Variants in RARA observed in about 807,000 individuals in gnomAD.
RARA encodes the protein PML-DDX5-RARA fusion.
In RARA, 5 loss-of-function variants were observed where a neutral mutation model predicts 42.8. The observed-to-expected ratio is 0.12, with a 90% CI of 0.06 to 0.25. The LOEUF (loss-of-function observed/expected upper bound fraction) is 0.25, where lower values mean the gene tolerates loss of function less well. Among genes scored for constraint, RARA ranks in the 10% least tolerant of loss-of-function variants. The pLI is 1.00. For missense variants in RARA, 402 were observed against 628.7 expected (o/e 0.64, Z 3.86); for synonymous variants, 256 against 259.5 (o/e 0.99, Z 0.13).
At chr17:40,342,140 C>T (rs1377721196) in intron 2 of RARA, 1 of 1,033,118 alleles carries the variant, frequency 9.7e-7, no homozygotes, top group East Asian at 5.6e-5. Context: ...AGGGGGCGCG[C>T]AGAGCTGGGG....
chr17:40,337,367 G>T (rs886612530), intron 2 of RARA, among the ~76,000 whole-genome samples: 3 of 152,210 alleles, frequency 2.0e-5, no homozygotes, highest in Non-Finnish European at 4.4e-5. Flanking sequence ...TCCCCGGTAG[G>T]GGGTGTAGGG....
rs951017275 is a variant in RARA at position 40,357,213 on chromosome 17, T to C, written c.*987T>C. 8.4e-6 allele frequency: 2 copies of C among 238,858 alleles called. No homozygotes were observed. Among genetic ancestry groups the C allele is most frequent in the African/African-American group, 4.4e-5 (2 of 45,296 alleles). The allele number at this position is 238,858 out of a possible 1,614,324, so 14.8% of individuals were successfully genotyped here. ...GAGCTGCCTCCCGTCAGGGCCCACA[T>C]CATCTAGGCTCCCCAGCCCCCACTG... On this transcript the variant is annotated 3_prime_UTR_variant, in exon 9 of 9. Coordinates refer to ENST00000254066, the MANE Select transcript of RARA (RefSeq NM_000964.4).
chr17:40,350,715 G>C (rs1347314893), intron 4 of RARA, among the ~76,000 whole-genome samples: 2 of 151,958 alleles, frequency 1.3e-5, no homozygotes, highest in Non-Finnish European at 2.9e-5. Flanking sequence ...GAGGGGGCAC[G>C]GGTGAGATGG....
At chr17:40,325,595 C>T (rs2033521248) in intron 1 of RARA, among the ~76,000 whole-genome samples, 1 of 152,236 alleles carries the variant, frequency 6.6e-6, no homozygotes, top group Non-Finnish European at 1.5e-5. Flanking sequence ...CCCTGCTTGG[C>T]CAGCTCCTGG....
intron 2 of RARA, among the ~76,000 whole-genome samples, chr17:40,339,176 G>A (rs1309732330): frequency 6.6e-6 from 1 of 152,184 alleles, no homozygotes; most frequent in Admixed American, 6.5e-5. Context: ...GGTAGAGCTG[G>A]GTACTGTCTT....
At chr17:40,327,888 G>A (rs187448824) in intron 1 of RARA, among the ~76,000 whole-genome samples, 44 of 152,316 alleles carry the variant, frequency 2.9e-4, no homozygotes, top group African/African-American at 8.9e-4. Context: ...GGGCCAGGGC[G>A]GCAACTGGTC....
intron 1 of RARA, among the ~76,000 whole-genome samples, chr17:40,314,780 C>T (rs774137472): frequency 1.3e-5 from 2 of 151,758 alleles, no homozygotes; most frequent in East Asian, 1.9e-4. Flanking sequence ...CAGCTCTTCT[C>T]GGTAGGTGAG....
chr17:40,348,403 TTGTC>T lies in RARA; in HGVS notation c.271_274del (p.Cys91ArgfsTer44). 6.2e-7 allele frequency: 1 copy of T among 1,613,850 alleles called. No individual in the cohort carries two copies. The highest frequency in any genetic ancestry group is 8.5e-7 in the Non-Finnish European group (1 of 1,179,834). On this transcript the variant is annotated frameshift_variant, in exon 3 of 9. Transcript: ENST00000254066. LOFTEE classifies it high-confidence loss of function. Reference sequence around the variant, plus strand: ...CTACCCCGCATCTACAAGCCTTGCTTTGTCTGTCAGGACAAGTCCTCAGGCTACC... The same window carrying T: ...CTACCCCGCATCTACAAGCCTTGCTTTGTCAGGACAAGTCCTCAGGCTACC...
intron 1 of RARA, among the ~76,000 whole-genome samples, chr17:40,316,475 T>C (rs1226089098): frequency 2.0e-5 from 3 of 152,266 alleles, no homozygotes; most frequent in Non-Finnish European, 2.9e-5. Flanking sequence ...CAGGTGTACC[T>C]GAAGGTCGTC....
At position 40,331,268 on chromosome 17, in the gene RARA, A is replaced by G. The variant is rs368040095; in HGVS notation, c.50A>G (p.Asn17Ser). 236 of 1,613,298 alleles carry G rather than the reference A, an allele frequency of 1.5e-4. No individual in the cohort carries two copies. Among genetic ancestry groups the G allele is most frequent in the Non-Finnish European group, 1.7e-4 (204 of 1,179,762 alleles). Residue 17 changes from asparagine to serine, a missense_variant, in exon 2 of 9, where the codon AAT becomes AGT. Physicochemically the swap from Asn to Ser is conservative, Grantham distance 46. Coordinates refer to ENST00000254066, the MANE Select transcript of RARA (RefSeq NM_000964.4). Reference sequence around the variant, plus strand: ...CCGACACCTGGGGGCGGGCACCTCAATGGGTACCCGGTGCCTCCCTACGCC... The same window carrying G: ...CCGACACCTGGGGGCGGGCACCTCAGTGGGTACCCGGTGCCTCCCTACGCC... ...SCPTPGGGHL[N>S]GYPVPPYAFF... is the part of the protein sequence containing the mutation.
intron 2 of RARA, chr17:40,341,088 C>G: frequency 2.5e-6 from 1 of 401,896 alleles, no homozygotes; most frequent in Middle Eastern, 6.3e-4. Flanking sequence ...GATACCCCCT[C>G]CTCCAGGGGT....
chr17:40,346,189 C>T (rs1351290612), intron 2 of RARA, among the ~76,000 whole-genome samples: 1 of 152,178 alleles, frequency 6.6e-6, no homozygotes, highest in Non-Finnish European at 1.5e-5. Flanking sequence ...GCTTTAGCTC[C>T]ATGTTTTTAT....
Position 40,342,963 on chromosome 17 carries a change from G to A in RARA, c.179-5353G>A, listed in dbSNP as rs1171568820. ...GGGGTGAGAGTCCCGGGGTGTAGTG[G>A]AGGTCCTGTCTCTACCTTTCACTTA... On this transcript the variant is annotated intron_variant, in intron 2 of 8. Coordinates refer to ENST00000254066, the MANE Select transcript of RARA (RefSeq NM_000964.4). 7.3e-6 allele frequency: 11 copies of A among 1,509,268 alleles called. No individual in the cohort carries two copies. In the Admixed American group the frequency reaches 1.4e-4, roughly 20 times the overall value. 93.5% of individuals were successfully genotyped at this position (1,509,268 alleles called of 1,614,324 possible).
chr17:40,322,509 C>G (rs939940498), intron 1 of RARA, among the ~76,000 whole-genome samples: 2 of 152,126 alleles, frequency 1.3e-5, no homozygotes, highest in Non-Finnish European at 2.9e-5. Flanking sequence ...GTGACCCACT[C>G]GCTGTGTGTC....
At position 40,352,510 on chromosome 17, in the gene RARA, G is replaced by A; in HGVS notation, c.807+3G>A. ...AGGCTGCCTGCCTGGACATCCTGGT[G>A]AGGGTCTGCACCCTGGCCCCCAGGC... On this transcript the variant is annotated splice_donor_region_variant and intron_variant, in intron 6 of 8. Coordinates refer to ENST00000254066, the MANE Select transcript of RARA (RefSeq NM_000964.4). The surrounding 1 kb of genome is among the most constrained non-coding windows in gnomAD (Gnocchi z 4.9). 2 of 1,599,916 alleles carry A rather than the reference G, an allele frequency of 1.3e-6. No homozygotes were observed. Among genetic ancestry groups the A allele is most frequent in the Non-Finnish European group, 1.7e-6 (2 of 1,171,900 alleles).
chr17:40,344,524 T>C (rs1016675021), intron 2 of RARA, among the ~76,000 whole-genome samples: 2 of 152,018 alleles, frequency 1.3e-5, no homozygotes, highest in Non-Finnish European at 2.9e-5. Context: ...TGTCTCTTCT[T>C]AGCCCATGGG....
Position 40,337,054 on chromosome 17 carries a change from G to A in RARA, c.178+5658G>A, listed in dbSNP as rs140127136. Among the ~76,000 whole-genome samples the A allele has an allele frequency of 1.6e-4, 24 of 152,358 alleles. No individual in the cohort carries two copies. The East Asian group carries it at 4.6e-3, about 29-fold the overall frequency. On this transcript the variant is annotated intron_variant, in intron 2 of 8. Transcript: ENST00000254066. ...AGAGAATGGGATGCTAACATCTATA[G>A]AGCACCTACTGTGTGTCAGGGGCTT...
At chr17:40,338,553 A>G (rs923115965) in intron 2 of RARA, among the ~76,000 whole-genome samples, 13 of 152,012 alleles carry the variant, frequency 8.6e-5, no homozygotes, top group Admixed American at 6.6e-4. Context: ...CCTTAAAGCA[A>G]GACTTCTGGC....
rs1279552852 is a variant in RARA, at chr17:40,328,083, C to T, written c.-362-2774C>T. On this transcript the variant is annotated intron_variant, in intron 1 of 8. Coordinates refer to ENST00000254066, the MANE Select transcript of RARA (RefSeq NM_000964.4). ...GTCCAGATTTTACTCCTGGGGCAGC[C>T]TCCCCTCCCTAGCCCAGTACCTGTC... 2.6e-5 allele frequency among the ~76,000 whole-genome samples: 4 copies of T among 152,262 alleles called. No individual in the cohort carries two copies. In the East Asian group the frequency reaches 7.7e-4, roughly 29 times the overall value.
Sources: allele counts gnomAD v4.1 joint callset (sites outside exome capture counted in the v4.1 genomes callset), GRCh38; gene constraint gnomAD v4.1.1; non-coding constraint Gnocchi (gnomAD v3.1); transcripts MANE v1.5; gene names NCBI Gene and HGNC (gene_info 2026-07-23, HGNC 2026-07-21).